Variants in DGKB observed in about 807,000 individuals in gnomAD.
DGKB encodes diacylglycerol kinase beta.
Under a neutral mutation model 114.3 loss-of-function variants are expected in DGKB, and 67 were observed. The observed-to-expected ratio is 0.59, with a 90% confidence interval of 0.48 to 0.72. The LOEUF (loss-of-function observed/expected upper bound fraction) is 0.72, where lower values mean the gene tolerates loss of function less well. DGKB is among the 30% of genes least tolerant of loss of function. The probability of loss-of-function intolerance (pLI) is 0.00; values close to 1 mark genes in which losing one functional copy is unlikely to be tolerated. For missense variants in DGKB, 907 were observed against 975.2 expected (o/e 0.93, Z 0.93); for synonymous variants, 398 against 323.1 (o/e 1.23, Z -2.49).
At chr7:14,899,551 T>C (rs1328574120) in intron 1 of DGKB, among the ~76,000 whole-genome samples, 1 of 152,144 alleles carries the variant, frequency 6.6e-6, no homozygotes, top group Non-Finnish European at 1.5e-5. Context: ...TCCCTTATTT[T>C]CTTTTTATAC....
chr7:14,446,184 A>G (rs913133455), intron 21 of DGKB, among the ~76,000 whole-genome samples: 22 of 152,096 alleles, frequency 1.4e-4, no homozygotes, highest in Admixed American at 1.3e-3. Flanking sequence ...AAGACTTAAG[A>G]GAAAATCCGG....
chr7:14,407,288 A>T (rs1824092267), intron 21 of DGKB, among the ~76,000 whole-genome samples: 1 of 152,128 alleles, frequency 6.6e-6, no homozygotes, highest in Non-Finnish European at 1.5e-5. Flanking sequence ...TAGTGCTATT[A>T]TGTCTATTGT....
intron 1 of DGKB, among the ~76,000 whole-genome samples, chr7:14,909,239 C>A (rs1783860598): frequency 6.6e-6 from 1 of 152,154 alleles, no homozygotes; most frequent in African/African-American, 2.4e-5. Flanking sequence ...CAATTCGTTT[C>A]ATCCTACGGT....
rs777310604 is a variant in DGKB at position 14,701,744 on chromosome 7, G to C, written c.467-14C>G. ...GGCGAAACATAACTAGAATGAAAGA[G>C]GTGTTGAAAACAAGATTATAGGCAA... is the stretch of plus-strand genomic sequence containing the variant. On this transcript the variant is annotated splice_polypyrimidine_tract_variant and intron_variant, in intron 6 of 25. Coordinates refer to ENST00000402815, the MANE Select transcript of DGKB (RefSeq NM_001350709.2). The C allele has an allele frequency of 6.3e-7, 1 of 1,592,432 alleles. No individual in the cohort carries two copies. Among genetic ancestry groups the C allele is most frequent in the Non-Finnish European group, 8.6e-7 (1 of 1,161,612 alleles).
chr7:14,879,872 C>A (rs1050101128), intron 1 of DGKB, among the ~76,000 whole-genome samples: 2 of 152,144 alleles, frequency 1.3e-5, no homozygotes, highest in African/African-American at 4.8e-5. Flanking sequence ...TGTTTTCTCT[C>A]ATAATAGGAA....
chr7:14,774,461 C>T (rs559750487), intron 2 of DGKB, among the ~76,000 whole-genome samples: 74 of 152,248 alleles, frequency 4.9e-4, no homozygotes, highest in African/African-American at 1.7e-3. Flanking sequence ...TCTTAGGTCT[C>T]CTCTTATTCA....
chr7:14,231,502 A>T (rs1007377213), intron 23 of DGKB, among the ~76,000 whole-genome samples: 1 of 152,052 alleles, frequency 6.6e-6, no homozygotes, highest in African/African-American at 2.4e-5. Context: ...TGAAAGAGAT[A>T]TATCAGAAAA....
At chr7:14,740,020 G>A (rs183775137) in intron 4 of DGKB, among the ~76,000 whole-genome samples, 35 of 152,330 alleles carry the variant, frequency 2.3e-4, no homozygotes, top group Admixed American at 1.2e-3. Context: ...CATGCAGGGC[G>A]GGACTGAGCC....
At chr7:14,344,556 G>A (rs992143551) in intron 22 of DGKB, among the ~76,000 whole-genome samples, 3 of 151,542 alleles carry the variant, frequency 2.0e-5, no homozygotes, top group Non-Finnish European at 4.4e-5. Flanking sequence ...TAGTCATTAA[G>A]TGTTCATGTT....
At chr7:14,674,586 T>C (rs900779929) in intron 12 of DGKB, among the ~76,000 whole-genome samples, 2 of 152,116 alleles carry the variant, frequency 1.3e-5, no homozygotes, top group Non-Finnish European at 2.9e-5. Context: ...CCTTTGAATG[T>C]GAACTTAATT....
intron 1 of DGKB, among the ~76,000 whole-genome samples, chr7:14,921,404 T>G (rs1444719774): frequency 6.6e-6 from 1 of 152,118 alleles, no homozygotes; most frequent in African/African-American, 2.4e-5. Flanking sequence ...TCCTAAAAAC[T>G]GAAAGGTATT....
intron 23 of DGKB, among the ~76,000 whole-genome samples, chr7:14,311,787 G>C (rs1440085188): frequency 6.6e-6 from 1 of 151,974 alleles, no homozygotes; most frequent in Non-Finnish European, 1.5e-5. Context: ...TTTTTACAAT[G>C]TTTCCGTATT....
intron 2 of DGKB, among the ~76,000 whole-genome samples, chr7:14,775,666 G>C (rs1838056709): frequency 6.6e-6 from 1 of 151,972 alleles, no homozygotes; most frequent in East Asian, 2.0e-4. Flanking sequence ...ATTTCTTGCT[G>C]CCACCATGTG....
At chr7:14,645,353 T>A (rs1436267729) in intron 13 of DGKB, among the ~76,000 whole-genome samples, 1 of 152,126 alleles carries the variant, frequency 6.6e-6, no homozygotes, top group East Asian at 1.9e-4. Context: ...AGCTGTAATG[T>A]TCCTGCTTGC....
chr7:14,967,942 A>C (rs1787259508), intron 1 of DGKB, among the ~76,000 whole-genome samples: 1 of 152,142 alleles, frequency 6.6e-6, no homozygotes. Flanking sequence ...ACCTACTCTA[A>C]TAATTACTGA....
At chr7:14,909,163 G>A (rs1783857643) in intron 1 of DGKB, among the ~76,000 whole-genome samples, 1 of 152,118 alleles carries the variant, frequency 6.6e-6, no homozygotes, top group South Asian at 2.1e-4. Context: ...CCAACTTGAA[G>A]AATTGAAGAA....
chr7:14,588,298 TAA>T (rs1309789770), intron 17 of DGKB, among the ~76,000 whole-genome samples: 2 of 152,124 alleles, frequency 1.3e-5, no homozygotes, highest in Non-Finnish European at 2.9e-5. Flanking sequence ...TCTACAAATT[TAA>T]AGTTTTTTCT....
chr7:14,701,190 G>A (rs1234694755), intron 7 of DGKB, among the ~76,000 whole-genome samples: 4 of 152,104 alleles, frequency 2.6e-5, no homozygotes, highest in African/African-American at 4.8e-5. Flanking sequence ...GTTTGTGAAA[G>A]CAATCTGTAA....
chr7:14,861,060 T>C (rs920947425), intron 1 of DGKB, among the ~76,000 whole-genome samples: 1 of 151,960 alleles, frequency 6.6e-6, no homozygotes, highest in Admixed American at 6.6e-5. Context: ...AGACTCAGAA[T>C]GCAAAACCTA....
Sources: gnomAD v4.1 joint callset for allele counts (sites outside exome capture counted in the v4.1 genomes callset) on GRCh38, gnomAD v4.1.1 for gene constraint, MANE v1.5 for transcripts, NCBI Gene and HGNC (gene_info 2026-07-23, HGNC 2026-07-21) for gene names.